NPAS3: variants seen among roughly 807,000 people sequenced by gnomAD.
The protein encoded by NPAS3 is neuronal PAS domain protein 3, also known as neuronal PAS domain-containing protein 3.
NPAS3 carries 14 observed loss-of-function variants against 73.1 expected under a neutral mutation model. That is an observed-to-expected ratio of 0.19 (90% CI 0.13 to 0.30). The LOEUF (loss-of-function observed/expected upper bound fraction) is 0.30, where lower values mean the gene tolerates loss of function less well. Ranked by LOEUF, NPAS3 falls within the 10% of genes least tolerant of loss-of-function variation. NPAS3 has a pLI of 1.00. For missense variants in NPAS3, 1,096 were observed against 1,250.0 expected (o/e 0.88, Z 1.86); for synonymous variants, 620 against 541.5 (o/e 1.14, Z -2.01).
intron 4 of NPAS3, among the ~76,000 whole-genome samples, chr14:33,479,265 T>C (rs1034350463): frequency 6.6e-6 from 1 of 152,184 alleles, no homozygotes; most frequent in Non-Finnish European, 1.5e-5. Flanking sequence ...TTGCCTGCAC[T>C]TACAGCTCGC....
At chr14:33,329,825 T>A (rs75909963) in intron 3 of NPAS3, among the ~76,000 whole-genome samples, 3,809 of 151,006 alleles carry the variant, frequency 0.025, 64 homozygotes, top group Non-Finnish European at 0.034. Context: ...TGTGTGTGTG[T>A]GAGAGAGAGA....
chr14:33,767,830 G>T (rs74356842), intron 7 of NPAS3, among the ~76,000 whole-genome samples: 4 of 152,076 alleles, frequency 2.6e-5, no homozygotes, highest in African/African-American at 9.7e-5. Context: ...ATTGACAGAG[G>T]GGAGGTTTTA....
At chr14:33,653,096 C>T (rs1391339320) in intron 5 of NPAS3, among the ~76,000 whole-genome samples, 1 of 152,240 alleles carries the variant, frequency 6.6e-6, no homozygotes, top group African/African-American at 2.4e-5. Flanking sequence ...GCCTTTAACA[C>T]TGTTACTTGT....
intron 4 of NPAS3, among the ~76,000 whole-genome samples, chr14:33,385,079 G>C (rs1265552841): frequency 6.6e-6 from 1 of 152,152 alleles, no homozygotes; most frequent in Non-Finnish European, 1.5e-5. Flanking sequence ...CTTGAGCAAG[G>C]CTTTAGCATT....
intron 4 of NPAS3, among the ~76,000 whole-genome samples, chr14:33,463,067 AT>A (rs1456631196): frequency 3.3e-5 from 5 of 152,226 alleles, no homozygotes; most frequent in African/African-American, 1.2e-4. Context: ...GAGGAAGTTT[AT>A]AAGAAATATG....
At chr14:33,295,826 C>T (rs781774621) in intron 3 of NPAS3, among the ~76,000 whole-genome samples, 2 of 152,136 alleles carry the variant, frequency 1.3e-5, no homozygotes, top group African/African-American at 4.8e-5. Flanking sequence ...TGGAGATGAA[C>T]AGTATTGCTC....
intron 3 of NPAS3, among the ~76,000 whole-genome samples, chr14:33,292,011 AT>A (rs1192670397): frequency 6.6e-6 from 1 of 152,214 alleles, no homozygotes; most frequent in Non-Finnish European, 1.5e-5. Context: ...TCTTTGATAA[AT>A]CAAAAAGGAT....
At chr14:33,755,013 A>G (rs1337401041) in intron 7 of NPAS3, among the ~76,000 whole-genome samples, 1 of 152,230 alleles carries the variant, frequency 6.6e-6, no homozygotes. Context: ...GTAACTCAGT[A>G]GGATGCAGAG....
intron 2 of NPAS3, among the ~76,000 whole-genome samples, chr14:33,103,743 G>A (rs542238506): frequency 1.3e-5 from 2 of 152,246 alleles, no homozygotes; most frequent in South Asian, 4.1e-4. Context: ...ATTAGCTAAA[G>A]CATATGTGTG....
intron 2 of NPAS3, among the ~76,000 whole-genome samples, chr14:33,096,073 G>C (rs934040253): frequency 5.3e-5 from 8 of 151,108 alleles, no homozygotes; most frequent in African/African-American, 2.0e-4. Context: ...TTTGTTCTGA[G>C]TCTGGCAGTA....
chr14:32,979,906 A>G (rs1400091703), intron 1 of NPAS3, among the ~76,000 whole-genome samples: 1 of 152,162 alleles, frequency 6.6e-6, no homozygotes, highest in Non-Finnish European at 1.5e-5. Context: ...AAGTAAAATC[A>G]GCTACAAAAC....
intron 3 of NPAS3, among the ~76,000 whole-genome samples, chr14:33,224,941 A>G (rs1433250718): frequency 6.6e-6 from 1 of 152,204 alleles, no homozygotes; most frequent in Non-Finnish European, 1.5e-5. Context: ...TATAAATCTA[A>G]AAGTGTTTCA....
intron 4 of NPAS3, among the ~76,000 whole-genome samples, chr14:33,494,029 C>T (rs1000825127): frequency 3.3e-5 from 5 of 152,048 alleles, no homozygotes; most frequent in East Asian, 1.9e-4. Context: ...ATAGCATCAT[C>T]GTAAAAATGA....
chr14:33,411,560 T>G (rs1207243733), intron 4 of NPAS3, among the ~76,000 whole-genome samples: 2 of 152,184 alleles, frequency 1.3e-5, no homozygotes, highest in African/African-American at 4.8e-5. Context: ...CTGTTAAATA[T>G]CCTCCAGTGC....
At chr14:33,231,756 A>G (rs2047858796) in intron 3 of NPAS3, among the ~76,000 whole-genome samples, 1 of 152,106 alleles carries the variant, frequency 6.6e-6, no homozygotes, top group African/African-American at 2.4e-5. Flanking sequence ...TTTATGTGCA[A>G]AAGATATCTA....
At chr14:33,213,977 G>A (rs186570972) in intron 2 of NPAS3, 7 of 152,136 alleles carry the variant, frequency 4.6e-5, no homozygotes, top group Admixed American at 2.0e-4. Flanking sequence ...AAAAGAGAAC[G>A]GAGCCTTGCT....
intron 3 of NPAS3, among the ~76,000 whole-genome samples, chr14:33,280,527 G>A (rs1277586174): frequency 1.3e-5 from 2 of 152,060 alleles, no homozygotes; most frequent in African/African-American, 4.8e-5. Flanking sequence ...TGAAGTTCAC[G>A]GAGTCTCTGT....
In NPAS3 at chr14:33,714,502, C is replaced by T. The variant is rs138217083; in HGVS notation, c.734-20712C>T. 4.6e-5 allele frequency among the ~76,000 whole-genome samples: 7 copies of T among 152,158 alleles called. No individual in the cohort carries two copies. In the East Asian group the frequency reaches 5.8e-4, roughly 13 times the overall value. ...GGGTGAACTTGCTTTCCCTGAAGAT[C>T]GTAGCTGGGCACAGGAAGATGGATA... On this transcript the variant is annotated intron_variant, in intron 6 of 11. Coordinates refer to ENST00000356141, the Ensembl canonical transcript of NPAS3.
chr14:33,614,273 A>G (rs1035613553), intron 5 of NPAS3, among the ~76,000 whole-genome samples: 9 of 152,244 alleles, frequency 5.9e-5, no homozygotes, highest in African/African-American at 2.2e-4. Context: ...GATATCTCAT[A>G]GAGGCCCCAA....
Sources: allele counts gnomAD v4.1 joint callset (sites outside exome capture counted in the v4.1 genomes callset), GRCh38; gene constraint gnomAD v4.1.1; transcripts MANE v1.5; gene names NCBI Gene and HGNC (gene_info 2026-07-23, HGNC 2026-07-21).